SAMD12: variants seen among roughly 807,000 people sequenced by gnomAD.
The protein encoded by SAMD12 is sterile alpha motif domain containing 12, also known as sterile alpha motif domain-containing protein 12.
Under a neutral mutation model 15.0 loss-of-function variants are expected in SAMD12, and 9 were observed. The observed-to-expected ratio is 0.60, with a 90% CI of 0.36 to 1.05. SAMD12 has a LOEUF of 1.05. Ranked by LOEUF, SAMD12 falls within the 50% of genes least tolerant of loss-of-function variation. The pLI is 0.01. For synonymous variants in SAMD12, 86 were observed against 90.1 expected (o/e 0.96, Z 0.25); for missense variants, 230 against 234.2 (o/e 0.98, Z 0.12).
intron 2 of SAMD12, among the ~76,000 whole-genome samples, chr8:118,556,087 G>A (rs1826521578): frequency 1.3e-5 from 2 of 152,194 alleles, no homozygotes; most frequent in African/African-American, 2.4e-5. Context: ...TATGGACAGA[G>A]CACTGAACAA....
the SAMD12 span, among the ~76,000 whole-genome samples, chr8:118,179,212 C>T: frequency 2.0e-5 from 3 of 151,966 alleles, no homozygotes; most frequent in African/African-American, 4.8e-5. Context: ...CTGAGGCAGG[C>T]GGATCACCTG....
At chr8:118,351,032 A>G (rs1265067144) in intron 4 of SAMD12, among the ~76,000 whole-genome samples, 1 of 152,198 alleles carries the variant, frequency 6.6e-6, no homozygotes, top group African/African-American at 2.4e-5. Flanking sequence ...GAAGAATGCA[A>G]AATCTACTCT....
intron 2 of SAMD12, among the ~76,000 whole-genome samples, chr8:118,577,380 T>C (rs1429311590): frequency 6.6e-6 from 1 of 152,124 alleles, no homozygotes; most frequent in Non-Finnish European, 1.5e-5. Context: ...GCAATACAAA[T>C]TTCAGTGTCA....
At chr8:118,497,329 T>C (rs1824643528) in intron 2 of SAMD12, among the ~76,000 whole-genome samples, 1 of 152,120 alleles carries the variant, frequency 6.6e-6, no homozygotes, top group Non-Finnish European at 1.5e-5. Context: ...TAGATGCCAA[T>C]CAACGGTGGA....
At chr8:118,579,724 T>C (rs1443376165) in intron 2 of SAMD12, among the ~76,000 whole-genome samples, 1 of 152,210 alleles carries the variant, frequency 6.6e-6, no homozygotes, top group Admixed American at 6.6e-5. Flanking sequence ...TTCCAAGGCA[T>C]GCATACATTC....
chr8:118,334,501 C>T (rs1816960810), intron 4 of SAMD12, among the ~76,000 whole-genome samples: 1 of 152,172 alleles, frequency 6.6e-6, no homozygotes, highest in East Asian at 1.9e-4. Flanking sequence ...TTACCCTCCT[C>T]TTTATTTTTA....
chr8:118,516,638 C>CT (rs34734575), intron 2 of SAMD12, among the ~76,000 whole-genome samples: 15,021 of 139,842 alleles, frequency 0.11, 2,305 homozygotes, highest in African/African-American at 0.36. Context: ...TTCTTTCTTT[C>CT]TTTTTTTTTT....
intron 1 of SAMD12, among the ~76,000 whole-genome samples, chr8:118,600,106 A>G (rs1827823649): frequency 2.6e-5 from 4 of 152,202 alleles, no homozygotes; most frequent in African/African-American, 9.6e-5. Context: ...AAGGGTCTTT[A>G]GATGTCAGTG....
At chr8:118,274,848 C>G (rs1159142978) in intron 4 of SAMD12, among the ~76,000 whole-genome samples, 1 of 152,074 alleles carries the variant, frequency 6.6e-6, no homozygotes, top group East Asian at 1.9e-4. Flanking sequence ...ATTGATTTAT[C>G]AATTCTAAGT....
the SAMD12 span, among the ~76,000 whole-genome samples, chr8:118,151,752 C>A: frequency 1.3e-5 from 2 of 151,672 alleles, no homozygotes; most frequent in African/African-American, 4.8e-5. Flanking sequence ...ATGGCATGAA[C>A]CCGGGAAGCA....
intron 2 of SAMD12, among the ~76,000 whole-genome samples, chr8:118,537,958 G>A (rs1825891545): frequency 6.6e-6 from 1 of 152,174 alleles, no homozygotes; most frequent in Admixed American, 6.5e-5. Flanking sequence ...TCCAGGTATT[G>A]GAGGGGACTT....
exon 5 of SAMD12, chr8:118,190,106 C>G (rs1819322116): frequency 6.6e-6 from 1 of 152,160 alleles, no homozygotes; most frequent in African/African-American, 2.4e-5. Flanking sequence ...CAACCATCTA[C>G]CTAGGCTTCT....
At chr8:118,209,507 C>A (rs1403165391) in intron 4 of SAMD12, among the ~76,000 whole-genome samples, 1 of 152,168 alleles carries the variant, frequency 6.6e-6, no homozygotes, top group Non-Finnish European at 1.5e-5. Flanking sequence ...GTGGACTGGG[C>A]TATTTCTTTT....
chr8:118,499,559 G>A (rs1267107881), intron 2 of SAMD12, among the ~76,000 whole-genome samples: 2 of 152,174 alleles, frequency 1.3e-5, no homozygotes, highest in African/African-American at 4.8e-5. Flanking sequence ...CTTCAGTGAA[G>A]CAGATATTAT....
At chr8:118,272,369 T>C (rs1813381144) in intron 4 of SAMD12, among the ~76,000 whole-genome samples, 1 of 152,168 alleles carries the variant, frequency 6.6e-6, no homozygotes, top group African/African-American at 2.4e-5. Flanking sequence ...GAGCCTAGCC[T>C]ACCAAACCAT....
At chr8:118,532,430 T>C (rs1046509490) in intron 2 of SAMD12, among the ~76,000 whole-genome samples, 4 of 152,162 alleles carry the variant, frequency 2.6e-5, no homozygotes, top group African/African-American at 9.7e-5. Flanking sequence ...CAGGCTTTGA[T>C]ATCAGGATGA....
In SAMD12 at chr8:118,328,735, C is replaced by G. The variant is rs755360830; in HGVS notation, c.433+50825G>C. 9.8e-5 allele frequency among the ~76,000 whole-genome samples: 15 copies of G among 152,294 alleles called. No homozygotes were observed. The Middle Eastern group carries it at 0.014, about 138-fold the overall frequency. On this transcript the variant is annotated intron_variant, in intron 4 of 4. Coordinates refer to the SAMD12 transcript ENST00000409003. ...CAACAGTGAGAAGTCATGGAACTCA[C>G]TGAGCCTCACTGTTCTCATCTGTAG...
chr8:118,527,840 A>G (rs1361271678), intron 2 of SAMD12, among the ~76,000 whole-genome samples: 2 of 152,188 alleles, frequency 1.3e-5, no homozygotes, highest in Non-Finnish European at 2.9e-5. Flanking sequence ...ATTATTTGAC[A>G]TTATTCTTTA....
chr8:118,258,922 C>T (rs768385523), intron 4 of SAMD12, among the ~76,000 whole-genome samples: 22 of 152,072 alleles, frequency 1.4e-4, no homozygotes, highest in Non-Finnish European at 3.1e-4. Flanking sequence ...CTGCCAGGCC[C>T]CTGCACACCC....
Sources: gnomAD v4.1 joint callset for allele counts (sites outside exome capture counted in the v4.1 genomes callset) on GRCh38, gnomAD v4.1.1 for gene constraint, MANE v1.5 for transcripts, NCBI Gene and HGNC (gene_info 2026-07-23, HGNC 2026-07-21) for gene names.